NGEF: variants seen among roughly 807,000 people sequenced by gnomAD.
NGEF encodes the protein neuronal guanine nucleotide exchange factor.
Under a neutral mutation model 80.9 loss-of-function variants are expected in NGEF, and 31 were observed. That is an observed-to-expected ratio of 0.38 (90% CI 0.29 to 0.52). The LOEUF is 0.52. Ranked by LOEUF, NGEF falls within the 20% of genes least tolerant of loss-of-function variation. NGEF has a pLI of 0.84. For synonymous variants in NGEF, 371 were observed against 370.2 expected (o/e 1.00, Z -0.03); for missense variants, 709 against 926.2 (o/e 0.77, Z 3.04).
At chr2:232,933,054 A>G (rs1277345422) in intron 3 of NGEF, among the ~76,000 whole-genome samples, 1 of 152,004 alleles carries the variant, frequency 6.6e-6, no homozygotes, top group Non-Finnish European at 1.5e-5. Context: ...GGTTGCAGTA[A>G]GCTGAGGTCG....
At chr2:232,995,056 ATGTACAGTATGTATACTGTATATG>A (rs1432792187) in intron 1 of NGEF, among the ~76,000 whole-genome samples, 1 of 78,268 alleles carries the variant, frequency 1.3e-5, no homozygotes, top group Non-Finnish European at 2.9e-5. Flanking sequence ...TACTGTATAT[ATGTACAGTATGTATACTGTATATG>A]TGTACAGTAT....
chr2:232,882,979 T>C (rs140167183), intron 12 of NGEF, among the ~76,000 whole-genome samples: 38 of 152,134 alleles, frequency 2.5e-4, no homozygotes, highest in Non-Finnish European at 4.4e-4. Context: ...GGTTCCCTAC[T>C]CAGCCTGACT....
In NGEF at chr2:232,948,635, A is replaced by C. The variant is rs904152320; in HGVS notation, c.384-21449T>G. Among the ~76,000 whole-genome samples the C allele has an allele frequency of 2.0e-5, 3 of 152,168 alleles. No individual in the cohort carries two copies. In the East Asian group the frequency reaches 5.8e-4, roughly 29 times the overall value. On this transcript the variant is annotated intron_variant, in intron 3 of 14. Transcript: ENST00000264051. ...TGTGCTATTCTTTTGATTTTTCTGCATGTTTAAAATTTTTTCTTTTTAAAA... is the reference window on the plus strand; with the variant it reads ...TGTGCTATTCTTTTGATTTTTCTGCCTGTTTAAAATTTTTTCTTTTTAAAA...
intron 3 of NGEF, 112 bp from the exon 4 acceptor site, chr2:232,927,298 G>C (rs1282819927): frequency 1.6e-6 from 2 of 1,242,164 alleles, no homozygotes; most frequent in South Asian, 1.6e-5. Context: ...GACCTTACCC[G>C]GGACCGTCCA....
At chr2:232,899,662 T>A (rs113242310) in intron 5 of NGEF, among the ~76,000 whole-genome samples, 6 of 119,212 alleles carry the variant, frequency 5.0e-5, no homozygotes, top group Admixed American at 8.1e-5. Context: ...TCACATTCAC[T>A]CACACATGCT....
intron 3 of NGEF, among the ~76,000 whole-genome samples, chr2:232,968,446 C>T (rs1474269763): frequency 3.3e-5 from 5 of 151,484 alleles, no homozygotes; most frequent in East Asian, 3.9e-4. Context: ...CGCTCTGTTG[C>T]GCAGGCTGGA....
At chr2:232,935,463 C>T (rs897157973) in intron 3 of NGEF, among the ~76,000 whole-genome samples, 3 of 152,042 alleles carry the variant, frequency 2.0e-5, no homozygotes, top group Non-Finnish European at 2.9e-5. Context: ...ACTAAAAATA[C>T]AATAATTAGC....
chr2:232,977,189 C>T (rs2106325478), intron 1 of NGEF, among the ~76,000 whole-genome samples: 1 of 152,222 alleles, frequency 6.6e-6, no homozygotes, highest in East Asian at 1.9e-4. Context: ...TCCAACCTGG[C>T]CAGATGAACG....
At chr2:232,896,594 G>A (rs1197920798) in intron 5 of NGEF, among the ~76,000 whole-genome samples, 4 of 93,988 alleles carry the variant, frequency 4.3e-5, no homozygotes, top group Non-Finnish European at 6.4e-5. Context: ...GAGGGTGAGG[G>A]TAGGGGTGTG....
rs1230960268 is a variant in NGEF, at chr2:232,899,674, TCA to T, written c.829-4760_829-4759del. ...CACTCACATTCACTCACACATGCTC[TCA>T]CAGTCACTCATACACACATTCACTC... On this transcript the variant is annotated intron_variant, in intron 5 of 14. Transcript: ENST00000264051. 4.8e-4 allele frequency among the ~76,000 whole-genome samples: 66 copies of T among 137,694 alleles called. 1 individual carries two copies. The highest frequency in any genetic ancestry group is 1.1e-3 in the Admixed American group (15 of 13,340). The allele number at this position is 137,694 out of a possible 152,430, so 90.3% of individuals were successfully genotyped here. A position where few individuals can be genotyped will look rare whatever the true frequency, so the allele number is the denominator to read the frequency against.
At chr2:232,979,590 T>G (rs1694367855) in intron 1 of NGEF, among the ~76,000 whole-genome samples, 1 of 152,194 alleles carries the variant, frequency 6.6e-6, no homozygotes, top group South Asian at 2.1e-4. Context: ...TCTGTGGCTT[T>G]AGACCCATGT....
rs1396625090 is a variant in NGEF, at chr2:232,901,716, C to T, written c.829-6800G>A. Among the ~76,000 whole-genome samples the T allele has an allele frequency of 4.6e-5, 7 of 152,252 alleles. No individual in the cohort carries two copies. In the South Asian group the frequency reaches 8.3e-4, roughly 18 times the overall value. ...CACACAGGTCACCCCCAGTCCTGGGCATCAGGGCACTGGCCTGGAGCCCAA... is the reference window on the plus strand; with the variant it reads ...CACACAGGTCACCCCCAGTCCTGGGTATCAGGGCACTGGCCTGGAGCCCAA... On this transcript the variant is annotated intron_variant, in intron 5 of 14. Transcript: ENST00000264051.
At chr2:232,974,581 G>A (rs1244669037) in intron 2 of NGEF, 42 bp downstream of exon 2, 2 of 1,596,002 alleles carry the variant, frequency 1.3e-6, no homozygotes, top group Non-Finnish European at 1.7e-6. Flanking sequence ...GACTCCAGTT[G>A]GATGTAAGGG....
intron 3 of NGEF, among the ~76,000 whole-genome samples, chr2:232,954,041 C>T (rs1693740130): frequency 6.6e-6 from 1 of 152,126 alleles, no homozygotes; most frequent in African/African-American, 2.4e-5. Context: ...TCCTTTCTTC[C>T]TATTGGCGTG....
Position 232,881,234 on chromosome 2 carries a change from C to T in NGEF, c.1854G>A (p.Gln618=). Residue 618 remains glutamine, a synonymous_variant, in exon 14 of 15, where the codon CAG becomes CAA. Coordinates refer to ENST00000264051, the MANE Select transcript of NGEF (RefSeq NM_019850.3). ...GCTGAGCCACGTATGGGTGCACGCA[C>T]TGGACCTGGGGGCAGTCTGAGGGAC... is the stretch of plus-strand genomic sequence containing the variant. ...TSRLLDCPQV[Q]CVHPYVAQQP... is the part of the protein sequence containing the mutation. The T allele has an allele frequency of 6.2e-7, 1 of 1,608,890 alleles. No homozygotes were observed. Among genetic ancestry groups the T allele is most frequent in the South Asian group, 1.1e-5 (1 of 91,084 alleles).
chr2:232,975,996 T>C (rs1351777952), intron 1 of NGEF, among the ~76,000 whole-genome samples: 1 of 151,288 alleles, frequency 6.6e-6, no homozygotes, highest in Non-Finnish European at 1.5e-5. Context: ...AGGCCAGGAG[T>C]TCAAGATCAG....
At chr2:232,972,699 AT>A (rs1694218415) in intron 2 of NGEF, among the ~76,000 whole-genome samples, 1 of 150,976 alleles carries the variant, frequency 6.6e-6, no homozygotes. Context: ...CCTGCATGAA[AT>A]CAACCAAGCC....
chr2:232,956,800 A>G (rs1159245311), intron 3 of NGEF, among the ~76,000 whole-genome samples: 1 of 150,404 alleles, frequency 6.6e-6, no homozygotes, highest in East Asian at 1.9e-4. Context: ...AAAAAAAAAA[A>G]AAAAAAAATT....
At chr2:232,910,912 T>C (rs146043117) in intron 5 of NGEF, among the ~76,000 whole-genome samples, 1,877 of 152,328 alleles carry the variant, frequency 0.012, 21 homozygotes, top group Non-Finnish European at 0.017. Flanking sequence ...ATCAGTTAAG[T>C]AATTTGCAAA....
Sources: allele counts gnomAD v4.1 joint callset (sites outside exome capture counted in the v4.1 genomes callset), GRCh38; gene constraint gnomAD v4.1.1; transcripts MANE v1.5; gene names NCBI Gene and HGNC (gene_info 2026-07-23, HGNC 2026-07-21).